Variants in GRIA4 observed in about 807,000 individuals in gnomAD.
GRIA4 encodes glutamate ionotropic receptor AMPA type subunit 4.
In GRIA4, 34 loss-of-function variants were observed where a neutral mutation model predicts 104.0. The ratio of observed to expected loss-of-function variants is 0.33; its 90% confidence interval spans 0.25 to 0.44. GRIA4 has a LOEUF of 0.44. Among genes scored for constraint, GRIA4 ranks in the 20% least tolerant of loss-of-function variants. GRIA4 has a pLI of 1.00. For synonymous variants in GRIA4, 386 were observed against 381.9 expected (o/e 1.01, Z -0.13); for missense variants, 750 against 1,096.5 (o/e 0.68, Z 4.46).
At chr11:105,960,271 G>A (rs1028413995) in intron 14 of GRIA4, among the ~76,000 whole-genome samples, 2 of 152,266 alleles carry the variant, frequency 1.3e-5, no homozygotes, top group African/African-American at 4.8e-5. Flanking sequence ...TAGGAGCTCA[G>A]GCCCAGGGAG....
chr11:105,902,043 G>A (rs933068541), intron 7 of GRIA4, among the ~76,000 whole-genome samples: 1 of 152,118 alleles, frequency 6.6e-6, no homozygotes, highest in African/African-American at 2.4e-5. Context: ...GTAGTACCTT[G>A]CTTAAACACC....
intron 3 of GRIA4, among the ~76,000 whole-genome samples, chr11:105,654,149 T>C (rs574165007): frequency 7.4e-4 from 112 of 151,682 alleles, no homozygotes; most frequent in Non-Finnish European, 1.3e-3. Flanking sequence ...GTTGAATTCA[T>C]AGAAGCAGAG....
chr11:105,959,212 C>G (rs1948671715), intron 14 of GRIA4, among the ~76,000 whole-genome samples: 1 of 152,162 alleles, frequency 6.6e-6, no homozygotes, highest in East Asian at 1.9e-4. Context: ...TGTATTCCAG[C>G]TTGTTTCCAT....
At position 105,901,654 on chromosome 11, in the gene GRIA4, A is replaced by G. The variant is rs72976050; in HGVS notation, c.886-2160A>G. Among the ~76,000 whole-genome samples, 565 of 152,330 alleles carry G rather than the reference A, an allele frequency of 3.7e-3. 3 individuals carry two copies. The highest frequency in any genetic ancestry group is 5.4e-3 in the Non-Finnish European group (370 of 68,036). On this transcript the variant is annotated intron_variant, in intron 7 of 16. Transcript: ENST00000282499. ...CGTCTATCAGCTCTATGACCTGTCA[A>G]ATCCCAGGTCTTTGCCACTCTGGCT...
intron 4 of GRIA4, among the ~76,000 whole-genome samples, chr11:105,839,804 C>T (rs891604208): frequency 4.6e-5 from 7 of 152,124 alleles, no homozygotes; most frequent in Non-Finnish European, 1.0e-4. Flanking sequence ...TTATAATCAG[C>T]TTCTCTAGTT....
At chr11:105,836,976 G>A (rs753367967) in intron 4 of GRIA4, among the ~76,000 whole-genome samples, 38 of 152,256 alleles carry the variant, frequency 2.5e-4, no homozygotes, top group Non-Finnish European at 4.7e-4. Flanking sequence ...AATTTATAAA[G>A]GAAGAGGTTT....
At chr11:105,869,472 T>C (rs900388240) in intron 5 of GRIA4, among the ~76,000 whole-genome samples, 3 of 152,100 alleles carry the variant, frequency 2.0e-5, no homozygotes, top group Non-Finnish European at 4.4e-5. Flanking sequence ...GTATCTACTG[T>C]GGTTTAGGGA....
intron 11 of GRIA4, among the ~76,000 whole-genome samples, chr11:105,923,852 G>A (rs1228803295): frequency 3.3e-5 from 5 of 152,044 alleles, no homozygotes; most frequent in Non-Finnish European, 7.4e-5. Context: ...GTCAAACAAC[G>A]GATTTTCTTT....
intron 16 of GRIA4, among the ~76,000 whole-genome samples, chr11:105,977,579 T>G (rs1489764810): frequency 6.6e-6 from 1 of 152,040 alleles, no homozygotes; most frequent in Non-Finnish European, 1.5e-5. Context: ...AGGCACTCAC[T>G]AAAGGGTTCT....
rs368312952 is a variant in GRIA4, at chr11:105,742,543, T to TAC, written c.248-10422_248-10421dup. On this transcript the variant is annotated intron_variant, in intron 3 of 16. Coordinates refer to ENST00000282499, the MANE Select transcript of GRIA4 (RefSeq NM_000829.4). ...AAATTTCTCCTATCAAACATATTTA[T>TAC]ACACACACACACACACATATACATG... Among the ~76,000 whole-genome samples, 926 of 151,042 alleles carry TAC rather than the reference T, an allele frequency of 6.1e-3. 12 individuals carry two copies. Among genetic ancestry groups the TAC allele is most frequent in the East Asian group, 0.053 (271 of 5,122 alleles).
chr11:105,801,163 T>C (rs1942703912), intron 4 of GRIA4, among the ~76,000 whole-genome samples: 1 of 151,574 alleles, frequency 6.6e-6, no homozygotes, highest in Admixed American at 6.6e-5. Context: ...ATCTTATTTC[T>C]TAAAACTCAG....
At chr11:105,711,556 C>G (rs989884657) in intron 3 of GRIA4, among the ~76,000 whole-genome samples, 1 of 151,956 alleles carries the variant, frequency 6.6e-6, no homozygotes, top group Non-Finnish European at 1.5e-5. Context: ...ATACTCTCAC[C>G]GGCGAAATAA....
At chr11:105,768,630 G>A (rs10750733) in intron 4 of GRIA4, among the ~76,000 whole-genome samples, 94,762 of 151,764 alleles carry the variant, frequency 0.62, 29,583 homozygotes, top group Middle Eastern at 0.68. Flanking sequence ...CAGTATGAAT[G>A]AGTGACGTTT....
chr11:105,635,997 G>A (rs917089188), intron 3 of GRIA4, among the ~76,000 whole-genome samples: 3 of 152,176 alleles, frequency 2.0e-5, no homozygotes, highest in African/African-American at 7.2e-5. Flanking sequence ...CTCAGAGGCA[G>A]CATTGCCTCC....
At chr11:105,727,716 A>G (rs1316842446) in intron 3 of GRIA4, among the ~76,000 whole-genome samples, 1 of 152,198 alleles carries the variant, frequency 6.6e-6, no homozygotes, top group East Asian at 1.9e-4. Context: ...AGTGGGGGCC[A>G]ATATTCAACA....
intron 3 of GRIA4, among the ~76,000 whole-genome samples, chr11:105,665,468 G>A (rs1400681004): frequency 3.3e-5 from 5 of 151,944 alleles, no homozygotes; most frequent in Admixed American, 1.3e-4. Context: ...AGCGTATCCC[G>A]GAGGTTGCAC....
At position 105,838,818 on chromosome 11, in the gene GRIA4, G is replaced by A. The variant is rs1247315185; in HGVS notation, c.488-23206G>A. 2.6e-5 allele frequency among the ~76,000 whole-genome samples: 4 copies of A among 152,170 alleles called. No homozygotes were observed. The East Asian group carries it at 7.7e-4, about 29-fold the overall frequency. On this transcript the variant is annotated intron_variant, in intron 4 of 16. Coordinates refer to ENST00000282499, the MANE Select transcript of GRIA4 (RefSeq NM_000829.4). ...GATTGCTACCTCGCAAGTCAACTCAGGGAACTACTGGACTGAAGAAGATGC... is the reference window on the plus strand; with the variant it reads ...GATTGCTACCTCGCAAGTCAACTCAAGGAACTACTGGACTGAAGAAGATGC...
chr11:105,904,861 T>C (rs4755119), intron 8 of GRIA4, among the ~76,000 whole-genome samples: 13,095 of 152,234 alleles, frequency 0.086, 766 homozygotes, highest in Admixed American at 0.18. Flanking sequence ...TGTGGATATA[T>C]AGATAAAACT....
intron 14 of GRIA4, among the ~76,000 whole-genome samples, chr11:105,948,804 G>T (rs994287907): frequency 6.6e-6 from 1 of 151,614 alleles, no homozygotes; most frequent in Admixed American, 6.6e-5. Flanking sequence ...TACTGGCCAG[G>T]ATGGTCTCGA....
Sources: gnomAD v4.1 joint callset for allele counts (sites outside exome capture counted in the v4.1 genomes callset) on GRCh38, gnomAD v4.1.1 for gene constraint, MANE v1.5 for transcripts, NCBI Gene and HGNC (gene_info 2026-07-23, HGNC 2026-07-21) for gene names.